The following ESRRG variants were observed in gnomAD, a reference collection of about 807,000 sequenced individuals.
ESRRG encodes estrogen-related receptor gamma.
Under a neutral mutation model 44.0 loss-of-function variants are expected in ESRRG, and 13 were observed. The ratio of observed to expected loss-of-function variants is 0.30; its 90% confidence interval spans 0.19 to 0.47. ESRRG has a LOEUF of 0.47. Among genes scored for constraint, ESRRG ranks in the 20% least tolerant of loss-of-function variants. ESRRG has a pLI of 1.00. For synonymous variants in ESRRG, 215 were observed against 214.6 expected, an observed-to-expected ratio of 1.00 and a Z score of -0.02; for missense variants, 395 against 580.6, an observed-to-expected ratio of 0.68 and a Z score of 3.29.
chr1:216,504,773 C>T lies in ESRRG; in HGVS notation c.*2166G>A, dbSNP rs1427552492. ...TATACATTGGTATTCTATAATAAAC[C>T]ATTAGAGAAATTATTCCTTGTTTTG... On this transcript the variant is annotated 3_prime_UTR_variant, in exon 7 of 7. Transcript: ENST00000408911. 1 of 152,410 alleles carries T rather than the reference C, an allele frequency of 6.6e-6. No homozygotes were observed. Among genetic ancestry groups the T allele is most frequent in the African/African-American group, 2.4e-5 (1 of 41,366 alleles). The allele number at this position is 152,410 out of a possible 1,614,324, so 9.4% of individuals were successfully genotyped here.
In ESRRG at chr1:216,869,378, T is replaced by C. The variant is rs553798025; in HGVS notation, c.-14+70204A>G. ...AAATAATTGGTCATATTTATGTGAG[T>C]TTATTTCTGGATTCTTGTTGAGGTC... On this transcript the variant is annotated intron_variant, in intron 2 of 7. Coordinates refer to the ESRRG transcript ENST00000359162. 2.6e-5 allele frequency among the ~76,000 whole-genome samples: 4 copies of C among 152,248 alleles called. No individual in the cohort carries two copies. In the South Asian group the frequency reaches 8.3e-4, roughly 32 times the overall value.
intron 2 of ESRRG, among the ~76,000 whole-genome samples, chr1:216,827,784 T>C (rs1055889098): frequency 6.6e-6 from 1 of 152,104 alleles, no homozygotes; most frequent in Non-Finnish European, 1.5e-5. Flanking sequence ...TAGGACCTAA[T>C]AGAACCATGT....
intron 2 of ESRRG, among the ~76,000 whole-genome samples, chr1:216,848,403 T>A (rs1347956111): frequency 6.6e-6 from 1 of 151,994 alleles, no homozygotes; most frequent in Non-Finnish European, 1.5e-5. Flanking sequence ...CTTGGCTTTT[T>A]TTTTTTTTGA....
At chr1:216,724,020 T>C (rs887790700), upstream of ESRRG, among the ~76,000 whole-genome samples, 3 of 152,142 alleles carry the variant, frequency 2.0e-5, no homozygotes, top group Admixed American at 6.5e-5. Context: ...TGATGTATGC[T>C]GGGCATTAAA....
At chr1:217,035,989 A>G (rs1214675452) in intron 1 of ESRRG, among the ~76,000 whole-genome samples, 1 of 152,228 alleles carries the variant, frequency 6.6e-6, no homozygotes, top group Non-Finnish European at 1.5e-5. Context: ...CTAATTTAAA[A>G]AATGGACAAA....
chr1:216,532,129 A>AG (rs1235046822), intron 5 of ESRRG, among the ~76,000 whole-genome samples: 1 of 148,782 alleles, frequency 6.7e-6, no homozygotes, highest in Non-Finnish European at 1.5e-5. Context: ...GAAGAAATGG[A>AG]GGAAAAAAAA....
intron 1 of ESRRG, among the ~76,000 whole-genome samples, chr1:217,051,048 A>T (rs1210909348): frequency 6.6e-6 from 1 of 152,092 alleles, no homozygotes; most frequent in Non-Finnish European, 1.5e-5. Context: ...GACAAAGGGA[A>T]AAAAGAAATC....
At chr1:216,560,470 T>C (rs2058504465) in intron 5 of ESRRG, among the ~76,000 whole-genome samples, 2 of 152,194 alleles carry the variant, frequency 1.3e-5, no homozygotes, top group South Asian at 4.1e-4. Context: ...GATCCATAAA[T>C]ATGTTTAAGC....
At chr1:216,755,859 C>T (rs1477078966) in intron 2 of ESRRG, among the ~76,000 whole-genome samples, 1 of 151,982 alleles carries the variant, frequency 6.6e-6, no homozygotes, top group African/African-American at 2.4e-5. Flanking sequence ...TTTGTATTTG[C>T]TAATGATTGT....
At chr1:217,121,119 TACACAC>T (rs71163790) in intron 1 of ESRRG, among the ~76,000 whole-genome samples, 22,464 of 148,378 alleles carry the variant, frequency 0.15, 2,111 homozygotes, top group Non-Finnish European at 0.2. Flanking sequence ...TCTTGAAGAA[TACACAC>T]ACACACACAC....
At chr1:217,040,832 ACCTCAGTAGATACTATTTGGC>A (rs1362374922) in intron 1 of ESRRG, among the ~76,000 whole-genome samples, 5 of 152,094 alleles carry the variant, frequency 3.3e-5, no homozygotes, top group African/African-American at 7.2e-5. Flanking sequence ...TGCACAGTGG[ACCTCAGTAGATACTATTTGGC>A]CTACTACTCC....
At chr1:216,955,867 G>A (rs1195123942) in intron 1 of ESRRG, among the ~76,000 whole-genome samples, 33 of 152,016 alleles carry the variant, frequency 2.2e-4, no homozygotes, top group Non-Finnish European at 4.4e-5. Flanking sequence ...TCTCTATTGA[G>A]ATCCTTTGCC....
intron 3 of ESRRG, among the ~76,000 whole-genome samples, chr1:216,605,257 CTGTT>C (rs1215030128): frequency 1.3e-5 from 2 of 152,090 alleles, no homozygotes; most frequent in Admixed American, 6.5e-5. Flanking sequence ...AGTAAAACAT[CTGTT>C]TGGGAAAGAG....
At chr1:216,740,731 C>T (rs144913715) in intron 2 of ESRRG, among the ~76,000 whole-genome samples, 10 of 151,872 alleles carry the variant, frequency 6.6e-5, no homozygotes, top group Admixed American at 2.6e-4. Flanking sequence ...TCTATATCAC[C>T]GACAGAGGAA....
intron 2 of ESRRG, among the ~76,000 whole-genome samples, chr1:216,728,592 C>A (rs2088044576): frequency 6.6e-6 from 1 of 151,760 alleles, no homozygotes; most frequent in African/African-American, 2.4e-5. Flanking sequence ...GCTTTGATAC[C>A]AGTAAAATGA....
chr1:216,683,813 TC>T (rs2077461324), intron 1 of ESRRG, among the ~76,000 whole-genome samples: 1 of 152,154 alleles, frequency 6.6e-6, no homozygotes, highest in African/African-American at 2.4e-5. Context: ...AGTTCAATGG[TC>T]CTTTCTCATT....
intron 2 of ESRRG, among the ~76,000 whole-genome samples, chr1:216,886,094 C>G (rs930288766): frequency 3.9e-5 from 6 of 152,018 alleles, no homozygotes; most frequent in Non-Finnish European, 7.4e-5. Context: ...CTAGAGTAAG[C>G]CTAGTATGAA....
chr1:216,532,751 T>C (rs9651260), intron 5 of ESRRG, among the ~76,000 whole-genome samples: 19,678 of 152,218 alleles, frequency 0.13, 2,157 homozygotes, highest in African/African-American at 0.3. Context: ...AAGTTTATTA[T>C]TGGGGAGGCC....
At chr1:217,063,395 T>C (rs1444036919) in intron 1 of ESRRG, among the ~76,000 whole-genome samples, 1 of 152,194 alleles carries the variant, frequency 6.6e-6, no homozygotes, top group Non-Finnish European at 1.5e-5. Flanking sequence ...CTTTGAAGTG[T>C]GGAGACAGTT....
Sources: allele counts gnomAD v4.1 joint callset (sites outside exome capture counted in the v4.1 genomes callset), GRCh38; gene constraint gnomAD v4.1.1; transcripts MANE v1.5; gene names NCBI Gene and HGNC (gene_info 2026-07-23, HGNC 2026-07-21).